Variants in CWC27 observed in about 807,000 individuals in gnomAD.
The protein encoded by CWC27 is spliceosome-associated protein CWC27 homolog.
In CWC27, 47 loss-of-function variants were observed where a neutral mutation model predicts 63.6. The ratio of observed to expected loss-of-function variants is 0.74; its 90% CI spans 0.58 to 0.94. The LOEUF (loss-of-function observed/expected upper bound fraction) is 0.94. CWC27 is among the 40% of genes least tolerant of loss of function. The pLI is 0.00. For synonymous variants in CWC27, 175 were observed against 179.8 expected, an observed-to-expected ratio of 0.97 and a Z score of 0.22; for missense variants, 495 against 554.3, an observed-to-expected ratio of 0.89 and a Z score of 1.07.
chr5:64,937,921 C>CTTT (rs1211082437), intron 11 of CWC27, among the ~76,000 whole-genome samples: 9 of 99,314 alleles, frequency 9.1e-5, no homozygotes, highest in African/African-American at 1.3e-4. Context: ...GCAATCTCTG[C>CTTT]TTTTTTTTTT....
chr5:64,950,719 C>A (rs1270623759), intron 11 of CWC27, among the ~76,000 whole-genome samples: 1 of 151,942 alleles, frequency 6.6e-6, no homozygotes, highest in Non-Finnish European at 1.5e-5. Context: ...TATATAACCA[C>A]CAGCACAATC....
chr5:64,930,489 C>CTGAA (rs770013771), intron 11 of CWC27, among the ~76,000 whole-genome samples: 2 of 151,968 alleles, frequency 1.3e-5, no homozygotes, highest in East Asian at 1.9e-4. Flanking sequence ...CCATGAGGAT[C>CTGAA]TGAATGAATG....
intron 11 of CWC27, among the ~76,000 whole-genome samples, chr5:64,924,120 A>G (rs1405519959): frequency 6.6e-6 from 1 of 152,158 alleles, no homozygotes. Context: ...GTATATCCCT[A>G]TTCCAGTTAG....
At chr5:64,950,790 C>T (rs1748690070) in intron 11 of CWC27, among the ~76,000 whole-genome samples, 1 of 151,866 alleles carries the variant, frequency 6.6e-6, no homozygotes. Flanking sequence ...GCAGTTAATC[C>T]CCTCTAGTCA....
chr5:64,876,718 G>A (rs891284638), intron 10 of CWC27, among the ~76,000 whole-genome samples: 8 of 151,822 alleles, frequency 5.3e-5, no homozygotes, highest in Non-Finnish European at 7.4e-5. Context: ...AATATTTCTC[G>A]TGACATAAGA....
At chr5:64,879,229 A>T (rs1390093990) in intron 10 of CWC27, among the ~76,000 whole-genome samples, 1 of 152,038 alleles carries the variant, frequency 6.6e-6, no homozygotes, top group East Asian at 1.9e-4. Flanking sequence ...TTGAGGAGCT[A>T]ACATTATCAA....
intron 10 of CWC27, among the ~76,000 whole-genome samples, chr5:64,852,033 A>T (rs1178214980): frequency 6.6e-6 from 1 of 152,206 alleles, no homozygotes; most frequent in African/African-American, 2.4e-5. Flanking sequence ...GCCTTTCAGT[A>T]TAATTTGGAG....
rs1743793721 is a variant in CWC27 at position 64,783,968 on chromosome 5, A to G, written c.385A>G (p.Ile129Val). 3 of 1,584,424 alleles carry G rather than the reference A, an allele frequency of 1.9e-6. No individual in the cohort carries two copies. The highest frequency in any genetic ancestry group is 1.7e-6 in the Non-Finnish European group (2 of 1,167,396). Reference protein sequence around the residue: ...RADELNNKHTIFGKVTGDTVY... With the variant: ...RADELNNKHTVFGKVTGDTVY... ...AGATGAACTTAACAATAAGCATACC[A>G]TCTTTGGAAAGGTTAGTGTCCAGTG... is the stretch of plus-strand genomic sequence containing the variant. The change falls in exon 4 of 14, where the codon ATC (isoleucine) becomes GTC (valine). Residue 129 changes from isoleucine to valine, a missense_variant. By Grantham distance (29) the Ile-to-Val change is conservative. This residue lies in a region of CWC27 where 463 missense variants were observed against 498.1 expected (regional missense o/e 0.93). Transcript: ENST00000381070.
At chr5:64,849,967 G>A (rs1276628308) in intron 10 of CWC27, among the ~76,000 whole-genome samples, 1 of 152,110 alleles carries the variant, frequency 6.6e-6, no homozygotes, top group Non-Finnish European at 1.5e-5. Flanking sequence ...CTTTATAGCA[G>A]TGTGAGAATG....
chr5:64,910,393 C>T (rs1561152955), intron 11 of CWC27, among the ~76,000 whole-genome samples: 1 of 152,206 alleles, frequency 6.6e-6, no homozygotes, highest in Non-Finnish European at 1.5e-5. Flanking sequence ...CTCAGTTAGG[C>T]TACACAGAGG....
chr5:64,866,823 A>G (rs529560225), intron 10 of CWC27, among the ~76,000 whole-genome samples: 180 of 152,168 alleles, frequency 1.2e-3, no homozygotes, highest in Non-Finnish European at 2.3e-3. Context: ...AATATTGTCA[A>G]TCTTGAGACC....
intron 10 of CWC27, among the ~76,000 whole-genome samples, chr5:64,859,560 T>C (rs1746347729): frequency 6.6e-6 from 1 of 152,198 alleles, no homozygotes; most frequent in South Asian, 2.1e-4. Flanking sequence ...ATACCAAAGC[T>C]AGGCAAACAC....
intron 10 of CWC27, among the ~76,000 whole-genome samples, chr5:64,824,947 T>C (rs1745320190): frequency 1.3e-5 from 2 of 151,850 alleles, no homozygotes; most frequent in African/African-American, 4.8e-5. Flanking sequence ...TTAGCCAGGA[T>C]GGTCTCGATC....
chr5:64,827,612 A>G (rs1745398325), intron 10 of CWC27, among the ~76,000 whole-genome samples: 1 of 152,220 alleles, frequency 6.6e-6, no homozygotes, highest in African/African-American at 2.4e-5. Flanking sequence ...ACAGAAATAA[A>G]AACAGCTATT....
At position 65,018,415 on chromosome 5, in the gene CWC27, AAAG is replaced by A. The variant is rs1483007052; in HGVS notation, c.*98_*100del. On this transcript the variant is annotated 3_prime_UTR_variant, in exon 14 of 14. Transcript: ENST00000381070. Reference sequence around the variant, plus strand: ...CCAACAGCATCACTTAGGGGTGTGAAAAGAAGTATTTTTGAACCTGTTGTCTGG... The same window carrying A: ...CCAACAGCATCACTTAGGGGTGTGAAAAGTATTTTTGAACCTGTTGTCTGG... 9.2e-7 allele frequency: 1 copy of A among 1,090,692 alleles called. No homozygotes were observed. Among genetic ancestry groups the A allele is most frequent in the Non-Finnish European group, 1.3e-6 (1 of 788,990 alleles). The allele number at this position is 1,090,692 out of a possible 1,614,324, so 67.6% of individuals were successfully genotyped here.
At chr5:64,864,066 C>T (rs147325683) in intron 10 of CWC27, among the ~76,000 whole-genome samples, 1 of 152,130 alleles carries the variant, frequency 6.6e-6, no homozygotes, top group African/African-American at 2.4e-5. Context: ...GTAGAAAAGC[C>T]TGCATAATTC....
At chr5:64,885,849 C>A (rs1231395080) in intron 11 of CWC27, among the ~76,000 whole-genome samples, 1 of 151,740 alleles carries the variant, frequency 6.6e-6, no homozygotes, top group Admixed American at 6.6e-5. Context: ...TCTTAAGTAA[C>A]CTTCATGAAA....
rs34394781 is a variant in CWC27, at chr5:64,960,211, A to AT, written c.1043-11479dup. 5.1e-4 allele frequency among the ~76,000 whole-genome samples: 74 copies of AT among 146,016 alleles called. 1 individual carries two copies. The highest frequency in any genetic ancestry group is 1.2e-3 in the East Asian group (6 of 5,012). On this transcript the variant is annotated intron_variant, in intron 11 of 13. Transcript: ENST00000381070. ...TCAGATTGGAATTGTTTTCCTAGGG[A>AT]TTTTTTTTTTTTTCTCAAACATGAA...
intron 11 of CWC27, among the ~76,000 whole-genome samples, chr5:64,895,053 GAAC>G (rs1747336070): frequency 6.6e-6 from 1 of 152,128 alleles, no homozygotes; most frequent in Non-Finnish European, 1.5e-5. Flanking sequence ...CATCTCTTGG[GAAC>G]TCTAGCAACA....
Sources: gnomAD v4.1 joint callset for allele counts (sites outside exome capture counted in the v4.1 genomes callset) on GRCh38, gnomAD v4.1.1 for gene constraint, gnomAD v4.1.1 regional missense constraint, MANE v1.5 for transcripts, NCBI Gene and HGNC (gene_info 2026-07-23, HGNC 2026-07-21) for gene names.